Variants in TRPV4 observed in about 807,000 individuals in gnomAD.
TRPV4 encodes the protein transient receptor potential cation channel subfamily V member 4.
Under a neutral mutation model 84.1 loss-of-function variants are expected in TRPV4, and 58 were observed. The ratio of observed to expected loss-of-function variants is 0.69; its 90% confidence interval spans 0.56 to 0.86. TRPV4 has a LOEUF of 0.86. TRPV4 is among the 40% of genes least tolerant of loss of function. TRPV4 has a pLI of 0.00. For synonymous variants in TRPV4, 489 were observed against 500.9 expected (o/e 0.98, Z 0.32); for missense variants, 879 against 1,181.1 (o/e 0.74, Z 3.75).
Position 109,800,699 on chromosome 12 carries a change from C to A in TRPV4, c.772G>T (p.Val258Leu). The A allele has an allele frequency of 6.2e-7, 1 of 1,614,110 alleles. No homozygotes were observed. Among genetic ancestry groups the A allele is most frequent in the Non-Finnish European group, 8.5e-7 (1 of 1,180,024 alleles). The stretch of plus-strand genomic sequence containing the variant: ...GCGTGGACATCAGCTCCCTGGGCCA[C>A]GAGAAGTTCCACGTAGTGTTTGCAG... The part of the protein sequence containing the change: ...RRCKHYVELL[V>L]AQGADVHAQA... The change falls in exon 5 of 16, where the codon GTG (valine) becomes TTG (leucine). Residue 258 changes from valine to leucine, a missense_variant. This residue lies in a region of TRPV4 where 521 missense variants were observed against 686.6 expected (regional missense o/e 0.76). Coordinates refer to ENST00000261740, the MANE Select transcript of TRPV4 (RefSeq NM_021625.5).
chr12:109,798,868 T>C lies in TRPV4; in HGVS notation c.898A>G (p.Ile300Val), dbSNP rs114612488. The C allele has an allele frequency of 1.5e-4, 243 of 1,613,624 alleles. No homozygotes were observed. The highest frequency in any genetic ancestry group is 1.3e-3 in the African/African-American group (97 of 74,958). Reference protein sequence around the residue: ...SLAACTNQPHIVNYLTENPHK... With the variant: ...SLAACTNQPHVVNYLTENPHK... ...GGGTTCTCCGTCAGGTAGTTGACAA[T>C]GTGGGGCTGGTTGGTGCAGGCAGCC... Residue 300 changes from isoleucine (I) to valine (V), a missense_variant, in exon 6 of 16, where the codon ATT (isoleucine) becomes GTT (valine). Coordinates refer to ENST00000261740, the MANE Select transcript of TRPV4 (RefSeq NM_021625.5). The surrounding 1 kb of genome is among the most constrained non-coding windows in gnomAD (Gnocchi z 5.0).
At position 109,814,508 on chromosome 12, in the gene TRPV4, G is replaced by A; in HGVS notation, c.289C>T (p.Pro97Ser). ...TCCATGGGTGCTTTCTTGGGCCCAG[G>A]CACCACCGAGGACTCATATAGGGTG... ...ESTLYESSVV[P>S]GPKKAPMDSL... The change falls in exon 2 of 16, where the codon CCT becomes TCT. Residue 97 changes from proline to serine, a missense_variant. Transcript: ENST00000261740. This position sits in a 1 kb window ranked among gnomAD's most constrained non-coding sequence, Gnocchi z 5.4. 1.2e-6 allele frequency: 2 copies of A among 1,614,128 alleles called. No homozygotes were observed. Among genetic ancestry groups the A allele is most frequent in the African/African-American group, 1.3e-5 (1 of 75,026 alleles).
intron 2 of TRPV4, among the ~76,000 whole-genome samples, chr12:109,810,888 A>G (rs1276440263): frequency 3.3e-5 from 5 of 152,020 alleles, no homozygotes; most frequent in African/African-American, 1.2e-4. Flanking sequence ...TTTCAACAGG[A>G]CCTGGGAAGG....
Position 109,814,562 on chromosome 12 carries a change from C to A in TRPV4, c.235G>T (p.Val79Leu). 3 of 1,614,106 alleles carry A rather than the reference C, an allele frequency of 1.9e-6. No individual in the cohort carries two copies. Among genetic ancestry groups the A allele is most frequent in the Non-Finnish European group, 1.7e-6 (2 of 1,179,992 alleles). ...MKFQGAFRKGVPNPIDLLEST... is the reference protein window; with the variant it reads ...MKFQGAFRKGLPNPIDLLEST... ...TCCAGCAGATCGATGGGGTTGGGCACCCCCTTGCGGAAGGCGCCCTGGAAC... is the reference window on the plus strand; with the variant it reads ...TCCAGCAGATCGATGGGGTTGGGCAACCCCTTGCGGAAGGCGCCCTGGAAC... The change falls in exon 2 of 16, where the codon GTG (valine) becomes TTG (leucine). Residue 79 changes from valine (V) to leucine (L), a missense_variant. By Grantham distance (32) the Val-to-Leu change is conservative. This residue lies in a region of TRPV4 where 521 missense variants were observed against 686.6 expected (regional missense o/e 0.76). Coordinates refer to ENST00000261740, the MANE Select transcript of TRPV4 (RefSeq NM_021625.5). The surrounding 1 kb of genome is among the most constrained non-coding windows in gnomAD (Gnocchi z 5.4).
intron 12 of TRPV4, among the ~76,000 whole-genome samples, chr12:109,790,818 A>G (rs570195707): frequency 6.6e-6 from 1 of 152,362 alleles, no homozygotes; most frequent in African/African-American, 2.4e-5. Flanking sequence ...GTAAGGCAGC[A>G]GTGATGCCAT....
rs1390674222 is a variant in TRPV4 at position 109,786,681 on chromosome 12, C to A, written c.2336+29G>T. On this transcript the variant is annotated intron_variant, in intron 14 of 15. Transcript: ENST00000261740. The surrounding 1 kb of genome is among the most constrained non-coding windows in gnomAD (Gnocchi z 4.5). ...AGCCAGTGGGGACAGTTCCGCCCTG[C>A]CATCCTGGCCCCACTGCCCCAGCCT... 1.9e-6 allele frequency: 3 copies of A among 1,612,958 alleles called. No homozygotes were observed. The highest frequency in any genetic ancestry group is 3.3e-5 in the Admixed American group (2 of 60,014).
chr12:109,822,226 T>G (rs1892127372), intron 1 of TRPV4, among the ~76,000 whole-genome samples: 1 of 151,288 alleles, frequency 6.6e-6, no homozygotes, highest in South Asian at 2.1e-4. Flanking sequence ...GGGTGGGGGT[T>G]GGAATCCATG....
chr12:109,798,196 G>A lies in TRPV4; in HGVS notation c.1152+418C>T, dbSNP rs1480666294. 6.6e-6 allele frequency among the ~76,000 whole-genome samples: 1 copy of A among 152,214 alleles called. No individual in the cohort carries two copies. The highest frequency in any genetic ancestry group is 1.5e-5 in the Non-Finnish European group (1 of 68,032). ...AGACGGTCCCCACCACAAAGAGCCT[G>A]CCGCCCAAAATAATCATGCTGAAGT... On this transcript the variant is annotated intron_variant, in intron 6 of 15. Transcript: ENST00000261740. The surrounding 1 kb of genome is among the most constrained non-coding windows in gnomAD (Gnocchi z 5.0).
intron 6 of TRPV4, among the ~76,000 whole-genome samples, chr12:109,797,486 C>A (rs1890478345): frequency 6.6e-6 from 1 of 151,462 alleles, no homozygotes; most frequent in Non-Finnish European, 1.5e-5. Flanking sequence ...CAGGGTCTGG[C>A]TCTGTTGCCC....
At chr12:109,803,647 AG>A (rs1363385235) in intron 3 of TRPV4, among the ~76,000 whole-genome samples, 1 of 151,952 alleles carries the variant, frequency 6.6e-6, no homozygotes, top group Non-Finnish European at 1.5e-5. Flanking sequence ...TTCGTAGAGA[AG>A]GGATCTCACT....
At position 109,793,858 on chromosome 12, in the gene TRPV4, G is replaced by C; in HGVS notation, c.1584+72C>G. ...TTGGAGGAGAGAGAAGAGAAAAAGAGGGAGAGAAAAGAGGTGCAGGAAGAG... is the reference window on the plus strand; with the variant it reads ...TTGGAGGAGAGAGAAGAGAAAAAGACGGAGAGAAAAGAGGTGCAGGAAGAG... On this transcript the variant is annotated intron_variant, in intron 9 of 15. Coordinates refer to ENST00000261740, the MANE Select transcript of TRPV4 (RefSeq NM_021625.5). The surrounding 1 kb of genome is among the most constrained non-coding windows in gnomAD (Gnocchi z 4.0). The C allele has an allele frequency of 1.7e-6, 2 of 1,152,726 alleles. No individual in the cohort carries two copies. Among genetic ancestry groups the C allele is most frequent in the Non-Finnish European group, 2.6e-6 (2 of 776,472 alleles). 71.4% of individuals were successfully genotyped at this position (1,152,726 alleles called of 1,614,324 possible).
At chr12:109,833,138 TA>T (rs1892459949) in intron 1 of TRPV4, among the ~76,000 whole-genome samples, 1 of 152,092 alleles carries the variant, frequency 6.6e-6, no homozygotes, top group African/African-American at 2.4e-5. Context: ...TCACAGGTGA[TA>T]AAACCGAGAC....
intron 14 of TRPV4, among the ~76,000 whole-genome samples, chr12:109,784,883 G>GTA (rs1382743083): frequency 6.8e-6 from 1 of 147,512 alleles, no homozygotes; most frequent in Admixed American, 6.8e-5. Flanking sequence ...GTGTGTGTGT[G>GTA]TGTGTATACA....
In TRPV4 at chr12:109,793,821, G is replaced by T; in HGVS notation, c.1584+109C>A. The T allele has an allele frequency of 1.1e-6, 1 of 925,918 alleles. No homozygotes were observed. The highest frequency in any genetic ancestry group is 1.7e-6 in the Non-Finnish European group (1 of 576,162). 57.4% of individuals were successfully genotyped at this position (925,918 alleles called of 1,614,324 possible). On this transcript the variant is annotated intron_variant, in intron 9 of 15. Coordinates refer to ENST00000261740, the MANE Select transcript of TRPV4 (RefSeq NM_021625.5). The surrounding 1 kb of genome is among the most constrained non-coding windows in gnomAD (Gnocchi z 4.0). ...GGGAAAATAAAAGGAGGAAGGAAAG[G>T]AGAAGGACCATTTGGAGGAGAGAGA... is the stretch of plus-strand genomic sequence containing the variant.
In TRPV4 at chr12:109,803,207, C is replaced by T. The variant is rs980159064; in HGVS notation, c.560-64G>A. ...CCCATGACCTTGAACTTCCAGGCATCGGGGTACAGAACACTGGGTAGGGGG... is the reference window on the plus strand; with the variant it reads ...CCCATGACCTTGAACTTCCAGGCATTGGGGTACAGAACACTGGGTAGGGGG... On this transcript the variant is annotated intron_variant, in intron 3 of 15. Transcript: ENST00000261740. 36 of 1,592,504 alleles carry T rather than the reference C, an allele frequency of 2.3e-5. No individual in the cohort carries two copies. In the Admixed American group the frequency reaches 3.4e-4, roughly 15 times the overall value.
rs369752825 is a variant in TRPV4 at position 109,798,785 on chromosome 12, C to A, written c.981G>T (p.Ala327=). 6.2e-7 allele frequency: 1 copy of A among 1,614,196 alleles called. No homozygotes were observed. The highest frequency in any genetic ancestry group is 8.5e-7 in the Non-Finnish European group (1 of 1,180,052). ...GGGTGTTGTCAGCAATGGCCACCAG[C>A]GCATGCAGCACTGTGTTGCCTCGCG... ...QDSRGNTVLH[A]LVAIADNTRE... is the part of the protein sequence containing the mutation. The change falls in exon 6 of 16, where the codon GCG becomes GCT. Residue 327 remains alanine, a synonymous_variant. Coordinates refer to ENST00000261740, the MANE Select transcript of TRPV4 (RefSeq NM_021625.5). This position sits in a 1 kb window ranked among gnomAD's most constrained non-coding sequence, Gnocchi z 5.0.
Position 109,821,280 on chromosome 12 carries a change from T to G in TRPV4, c.-31-6453A>C, listed in dbSNP as rs138273149. On this transcript the variant is annotated intron_variant, in intron 1 of 15. Coordinates refer to ENST00000261740, the MANE Select transcript of TRPV4 (RefSeq NM_021625.5). ...CTGTTTGCAGGGCACAGGGGAGACA[T>G]AAAAGTGTGGAACCTCAGAGAACTC... is the stretch of plus-strand genomic sequence containing the variant. 1.5e-4 allele frequency among the ~76,000 whole-genome samples: 23 copies of G among 152,252 alleles called. No homozygotes were observed. The East Asian group carries it at 4.5e-3, about 29-fold the overall frequency.
intron 7 of TRPV4, among the ~76,000 whole-genome samples, chr12:109,795,311 C>G (rs1039397919): frequency 6.6e-6 from 1 of 152,172 alleles, no homozygotes; most frequent in Non-Finnish European, 1.5e-5. Context: ...AATCAGTTTG[C>G]ACCTGAGATG....
chr12:109,820,514 CTATTT>C (rs1285458088), intron 1 of TRPV4, among the ~76,000 whole-genome samples: 33 of 123,148 alleles, frequency 2.7e-4, no homozygotes, highest in East Asian at 9.3e-4. Context: ...TTCAGCTGCC[CTATTT>C]TTTTTTTTTT....
Sources: allele counts gnomAD v4.1 joint callset (sites outside exome capture counted in the v4.1 genomes callset), GRCh38; gene constraint gnomAD v4.1.1; regional missense constraint gnomAD v4.1.1; non-coding constraint Gnocchi (gnomAD v3.1); transcripts MANE v1.5; gene names NCBI Gene and HGNC (gene_info 2026-07-23, HGNC 2026-07-21).